The following NSD1 variants were observed in gnomAD, a reference collection of about 807,000 sequenced individuals.
NSD1 encodes the protein histone-lysine N-methyltransferase, H3 lysine-36 specific.
NSD1 carries 26 observed loss-of-function variants against 242.7 expected under a neutral mutation model. The ratio of observed to expected loss-of-function variants is 0.11; its 90% confidence interval spans 0.08 to 0.15. The LOEUF (loss-of-function observed/expected upper bound fraction) is 0.15, where lower values mean the gene tolerates loss of function less well. NSD1 is among the 10% of genes least tolerant of loss of function. NSD1 has a pLI of 1.00. For missense variants in NSD1, 2,495 were observed against 3,272.8 expected (o/e 0.76, Z 5.80); for synonymous variants, 1,106 against 1,178.1 (o/e 0.94, Z 1.25).
At chr5:177,231,095 C>T (rs1765019466) in intron 5 of NSD1, among the ~76,000 whole-genome samples, 1 of 152,114 alleles carries the variant, frequency 6.6e-6, no homozygotes, top group Non-Finnish European at 1.5e-5. Context: ...ACCACCCTGC[C>T]CCCACTTTGA....
chr5:177,286,769 C>G (rs574193970), intron 20 of NSD1, among the ~76,000 whole-genome samples: 182 of 152,334 alleles, frequency 1.2e-3, no homozygotes, highest in African/African-American at 4.3e-3. Context: ...TACTTAGAAC[C>G]TGCAGTTCAT....
chr5:177,282,400 AAT>A, intron 18 of NSD1, 63 bp from the exon 19 acceptor site: 2 of 1,000,932 alleles, frequency 2.0e-6, no homozygotes, highest in East Asian at 4.8e-5. Context: ...TTTTTAAAAA[AAT>A]GTATACATTT....
chr5:177,211,225 G>T lies in NSD1; in HGVS notation c.2826G>T (p.Gly942=). The stretch of plus-strand genomic sequence containing the variant: ...TCTCTTACCGGAGTCCTGGTCGTGG[G>T]GACTGTTCTACTAATAGTCCTGTAG... ...NLVSYRSPGR[G]DCSTNSPVGV... Residue 942 remains glycine, a synonymous_variant, in exon 5 of 23, where the codon GGG becomes GGT. Coordinates refer to ENST00000439151, the MANE Select transcript of NSD1 (RefSeq NM_022455.5). 8.1e-6 allele frequency: 13 copies of T among 1,613,934 alleles called. No individual in the cohort carries two copies. Among genetic ancestry groups the T allele is most frequent in the Non-Finnish European group, 1.1e-5 (13 of 1,179,926 alleles).
At chr5:177,181,421 T>TC (rs1760661174) in intron 2 of NSD1, among the ~76,000 whole-genome samples, 1 of 133,612 alleles carries the variant, frequency 7.5e-6, no homozygotes, top group Non-Finnish European at 1.5e-5. Context: ...TATGGGTTTT[T>TC]TTTTGGTTTT....
chr5:177,231,166 G>A (rs1034592114), intron 5 of NSD1, among the ~76,000 whole-genome samples: 1 of 152,130 alleles, frequency 6.6e-6, no homozygotes, highest in African/African-American at 2.4e-5. Flanking sequence ...GCTCATTGCA[G>A]CCTCAAACTC....
intron 2 of NSD1, among the ~76,000 whole-genome samples, chr5:177,185,471 G>T (rs576872407): frequency 2.0e-5 from 3 of 151,012 alleles, no homozygotes; most frequent in Non-Finnish European, 4.4e-5. Flanking sequence ...GGTGGCAGGC[G>T]CCTGTAATCC....
In NSD1 at chr5:177,294,373, A is replaced by G. The variant is rs1449931646; in HGVS notation, c.7005A>G (p.Pro2335=). The change falls in exon 23 of 23, where the codon CCA becomes CCG. Residue 2335 remains proline, a synonymous_variant. Transcript: ENST00000439151. The part of the protein sequence containing the change: ...PRPQLSDKPS[P]VTSPSSSPSV... ...CCCAGCTAAGCGACAAACCCTCTCCAGTGACCAGCCCAAGCTCCTCACCCT... is the reference window on the plus strand; with the variant it reads ...CCCAGCTAAGCGACAAACCCTCTCCGGTGACCAGCCCAAGCTCCTCACCCT... 1 of 1,614,190 alleles carries G rather than the reference A, an allele frequency of 6.2e-7. No homozygotes were observed. Among genetic ancestry groups the G allele is most frequent in the Non-Finnish European group, 8.5e-7 (1 of 1,180,026 alleles).
rs184295629 is a variant in NSD1, at chr5:177,240,640, G to A, written c.4302+775G>A. 3.0e-3 allele frequency among the ~76,000 whole-genome samples: 450 copies of A among 152,238 alleles called. 2 individuals are homozygous for A. The highest frequency in any genetic ancestry group is 0.011 in the African/African-American group (440 of 41,532). On this transcript the variant is annotated intron_variant, in intron 8 of 22. Transcript: ENST00000439151. Reference sequence around the variant, plus strand: ...AGGCAGGAGAATGGTGTGAACCCAGGAGGCGGAGCTTGCAGTGAGCCGAGA... The same window carrying A: ...AGGCAGGAGAATGGTGTGAACCCAGAAGGCGGAGCTTGCAGTGAGCCGAGA...
intron 21 of NSD1, among the ~76,000 whole-genome samples, chr5:177,289,129 G>C (rs1032701076): frequency 1.3e-5 from 2 of 152,102 alleles, no homozygotes; most frequent in African/African-American, 4.8e-5. Context: ...AGACCAGCCT[G>C]GCCAACATGA....
At chr5:177,291,920 A>T in intron 21 of NSD1, 34 bp from the exon 22 acceptor site, 1 of 1,599,172 alleles carries the variant, frequency 6.3e-7, no homozygotes, top group Non-Finnish European at 8.6e-7. Flanking sequence ...TAATGTGTTC[A>T]CAGAATGCTG....
chr5:177,192,428 C>T (rs1761768511), intron 3 of NSD1, among the ~76,000 whole-genome samples: 1 of 151,618 alleles, frequency 6.6e-6, no homozygotes, highest in Non-Finnish European at 1.5e-5. Flanking sequence ...TGGAGTTTTG[C>T]TCTTGTTGCC....
chr5:177,175,565 T>C (rs1231332103), intron 2 of NSD1, among the ~76,000 whole-genome samples: 1 of 152,022 alleles, frequency 6.6e-6, no homozygotes, highest in African/African-American at 2.4e-5. Context: ...ATAGGTATAA[T>C]TTTCAGTGAG....
chr5:177,218,957 G>A (rs1764020404), intron 5 of NSD1, among the ~76,000 whole-genome samples: 1 of 151,620 alleles, frequency 6.6e-6, no homozygotes, highest in South Asian at 2.1e-4. Flanking sequence ...GTATTTTGTT[G>A]AGGATTTTTG....
chr5:177,188,843 T>TA (rs1225728518), intron 2 of NSD1, among the ~76,000 whole-genome samples: 1 of 151,686 alleles, frequency 6.6e-6, no homozygotes, highest in Non-Finnish European at 1.5e-5. Flanking sequence ...TTTTGTCATT[T>TA]TAAAAAAAAA....
chr5:177,167,827 T>TA, intron 2 of NSD1, among the ~76,000 whole-genome samples: 2 of 152,336 alleles, frequency 1.3e-5, no homozygotes, highest in Admixed American at 1.3e-4. Context: ...ATTTTCGACT[T>TA]ATGATGGGTT....
chr5:177,282,185 T>C (rs536450897), intron 18 of NSD1, among the ~76,000 whole-genome samples: 1 of 152,292 alleles, frequency 6.6e-6, no homozygotes, highest in East Asian at 1.9e-4. Flanking sequence ...CCATCTCTCT[T>C]TATAAGGACG....
chr5:177,145,862 C>A (rs181056187), intron 2 of NSD1, among the ~76,000 whole-genome samples: 2 of 146,578 alleles, frequency 1.4e-5, no homozygotes, highest in South Asian at 2.1e-4. Flanking sequence ...GAGCCAAGAT[C>A]GTGCCATTGC....
At chr5:177,151,143 C>T (rs2149776728) in intron 2 of NSD1, among the ~76,000 whole-genome samples, 1 of 152,290 alleles carries the variant, frequency 6.6e-6, no homozygotes, top group East Asian at 1.9e-4. Flanking sequence ...TTTGGGAGGC[C>T]TAGGCGGGAG....
At chr5:177,242,247 T>C (rs1581418753) in intron 8 of NSD1, among the ~76,000 whole-genome samples, 1 of 152,206 alleles carries the variant, frequency 6.6e-6, no homozygotes, top group East Asian at 1.9e-4. Context: ...AACTAATTTG[T>C]TATCTAAATA....
Sources: gnomAD v4.1 joint callset for allele counts (sites outside exome capture counted in the v4.1 genomes callset) on GRCh38, gnomAD v4.1.1 for gene constraint, MANE v1.5 for transcripts, NCBI Gene and HGNC (gene_info 2026-07-23, HGNC 2026-07-21) for gene names.